Variants in TUBGCP4 observed in about 807,000 individuals in gnomAD.
TUBGCP4 encodes tubulin gamma complex component 4.
In TUBGCP4, 54 loss-of-function variants were observed where a neutral mutation model predicts 91.6. The ratio of observed to expected loss-of-function variants is 0.59; its 90% confidence interval spans 0.47 to 0.74. The LOEUF (loss-of-function observed/expected upper bound fraction) is 0.74, where lower values mean the gene tolerates loss of function less well. Among genes scored for constraint, TUBGCP4 ranks in the 30% least tolerant of loss-of-function variants. The pLI is 0.00. For synonymous variants in TUBGCP4, 297 were observed against 302.8 expected (o/e 0.98, Z 0.20); for missense variants, 593 against 800.9 (o/e 0.74, Z 3.13).
chr15:43,386,851 A>G (rs956396816), intron 9 of TUBGCP4, among the ~76,000 whole-genome samples: 9 of 152,160 alleles, frequency 5.9e-5, no homozygotes, highest in Non-Finnish European at 1.3e-4. Context: ...AGAAAGTAGA[A>G]AAGAAAAGCC....
Position 43,408,192 on chromosome 15 carries a change from GC to G in TUBGCP4, c.*2982del. The G allele has an allele frequency of 1.7e-6, 2 of 1,179,804 alleles. No individual in the cohort carries two copies. Among genetic ancestry groups the G allele is most frequent in the Non-Finnish European group, 2.4e-6 (2 of 840,400 alleles). The allele number at this position is 1,179,804 out of a possible 1,614,324, so 73.1% of individuals were successfully genotyped here. A position where few individuals can be genotyped will look rare whatever the true frequency, so the allele number is the denominator to read the frequency against. Reference sequence around the variant, plus strand: ...CATCTGAATGCTTTCAAAAATAAATGCCCCATCAGACATAGTGTCTCAAGCC... The same window carrying G: ...CATCTGAATGCTTTCAAAAATAAATGCCCATCAGACATAGTGTCTCAAGCC... On this transcript the variant is annotated 3_prime_UTR_variant, in exon 18 of 18. Transcript: ENST00000564079.
intron 17 of TUBGCP4, 72 bp from the exon 18 acceptor site, chr15:43,405,130 C>T: frequency 6.5e-7 from 1 of 1,541,122 alleles, no homozygotes; most frequent in Non-Finnish European, 9.0e-7. Flanking sequence ...ACAGGTTATC[C>T]TGATTCATAT....
Position 43,409,100 on chromosome 15 carries a change from CAAGAA to C in TUBGCP4, c.*3892_*3896del, listed in dbSNP as rs746714412. 1.2e-6 allele frequency: 2 copies of C among 1,614,018 alleles called. No homozygotes were observed. The highest frequency in any genetic ancestry group is 4.5e-5 in the East Asian group (2 of 44,878). On this transcript the variant is annotated 3_prime_UTR_variant, in exon 18 of 18. Coordinates refer to ENST00000564079, the MANE Select transcript of TUBGCP4 (RefSeq NM_014444.5). Reference sequence around the variant, plus strand: ...GACACTGGTAAGCTGTGTTACACTGCAAGAAAAGAAGCAGAGCCAATGGGTTTGGT... The same window carrying C: ...GACACTGGTAAGCTGTGTTACACTGCAAGAAGCAGAGCCAATGGGTTTGGT...
chr15:43,407,932 CT>C lies in TUBGCP4; in HGVS notation c.*2721del. On this transcript the variant is annotated 3_prime_UTR_variant, in exon 18 of 18. Coordinates refer to ENST00000564079, the MANE Select transcript of TUBGCP4 (RefSeq NM_014444.5). The stretch of plus-strand genomic sequence containing the variant: ...CTGGAACAAAGACACTACACACACT[CT>C]TTCAGGTACCTTTGTTATGGGCACT... 6.2e-7 allele frequency: 1 copy of C among 1,608,798 alleles called. No individual in the cohort carries two copies. The highest frequency in any genetic ancestry group is 8.5e-7 in the Non-Finnish European group (1 of 1,179,196).
intron 16 of TUBGCP4, chr15:43,404,069 C>G (rs906559930): frequency 4.0e-5 from 21 of 521,740 alleles, no homozygotes; most frequent in Non-Finnish European, 3.7e-5. Context: ...CTCACATCCT[C>G]CCCCCTCCTT....
At position 43,406,641 on chromosome 15, in the gene TUBGCP4, C is replaced by G. The variant is rs2142918224; in HGVS notation, c.*1427C>G. On this transcript the variant is annotated 3_prime_UTR_variant, in exon 18 of 18. Coordinates refer to ENST00000564079, the MANE Select transcript of TUBGCP4 (RefSeq NM_014444.5). Reference sequence around the variant, plus strand: ...ACCCCTGCTTTAGAGAATGAGAAGCCATGCAGGGATCAGTGATGCCAGAGG... The same window carrying G: ...ACCCCTGCTTTAGAGAATGAGAAGCGATGCAGGGATCAGTGATGCCAGAGG... 2.2e-6 allele frequency: 1 copy of G among 455,818 alleles called. No homozygotes were observed. Among genetic ancestry groups the G allele is most frequent in the African/African-American group, 2.0e-5 (1 of 50,160 alleles). 28.2% of individuals were successfully genotyped at this position (455,818 alleles called of 1,614,324 possible). A position where few individuals can be genotyped will look rare whatever the true frequency, so the allele number is the denominator to read the frequency against.
At chr15:43,372,423 A>G (rs898120807) in intron 1 of TUBGCP4, among the ~76,000 whole-genome samples, 1 of 152,232 alleles carries the variant, frequency 6.6e-6, no homozygotes, top group Non-Finnish European at 1.5e-5. Flanking sequence ...AATTTTTGAA[A>G]AAAACAGGTG....
Position 43,407,572 on chromosome 15 carries a change from T to C in TUBGCP4, c.*2358T>C. 6.2e-7 allele frequency: 1 copy of C among 1,609,392 alleles called. No individual in the cohort carries two copies. Among genetic ancestry groups the C allele is most frequent in the Non-Finnish European group, 8.5e-7 (1 of 1,176,866 alleles). On this transcript the variant is annotated 3_prime_UTR_variant, in exon 18 of 18. Transcript: ENST00000564079. ...CATCAAATACCCCTAAAGCAATATC[T>C]GCAAGGAGCAAGGGAAAGTGAAGAA... is the stretch of plus-strand genomic sequence containing the variant.
At chr15:43,376,045 G>C (rs2044198907) in intron 1 of TUBGCP4, 53 bp from the exon 2 acceptor site, 1 of 1,602,790 alleles carries the variant, frequency 6.2e-7, no homozygotes, top group African/African-American at 1.3e-5. Context: ...TGAAGCACCT[G>C]AAAGTTGGGG....
At chr15:43,392,324 A>G (rs1401507251) in intron 9 of TUBGCP4, among the ~76,000 whole-genome samples, 1 of 150,656 alleles carries the variant, frequency 6.6e-6, no homozygotes, top group South Asian at 2.1e-4. Context: ...TAGTGTTTTC[A>G]TTATATTCTA....
intron 1 of TUBGCP4, 78 bp from the exon 2 acceptor site, chr15:43,376,020 G>A: frequency 6.3e-7 from 1 of 1,579,616 alleles, no homozygotes; most frequent in Non-Finnish European, 8.7e-7. Flanking sequence ...CGATAAATGT[G>A]TAGTATGAAG....
At chr15:43,382,420 C>T (rs550690722) in intron 6 of TUBGCP4, among the ~76,000 whole-genome samples, 70 of 152,046 alleles carry the variant, frequency 4.6e-4, no homozygotes, top group Non-Finnish European at 9.6e-4. Context: ...ATTTTGTTCT[C>T]ATGTCTTTTT....
chr15:43,391,274 ACCATAAT>A (rs1354085228), intron 9 of TUBGCP4: 1 of 152,096 alleles, frequency 6.6e-6, no homozygotes, highest in East Asian at 1.9e-4. Flanking sequence ...ATCATAGCTC[ACCATAAT>A]CTTGAACTCT....
At position 43,408,981 on chromosome 15, in the gene TUBGCP4, C is replaced by A; in HGVS notation, c.*3767C>A. 1 of 1,614,166 alleles carries A rather than the reference C, an allele frequency of 6.2e-7. No individual in the cohort carries two copies. The highest frequency in any genetic ancestry group is 8.5e-7 in the Non-Finnish European group (1 of 1,180,032). On this transcript the variant is annotated 3_prime_UTR_variant, in exon 18 of 18. Transcript: ENST00000564079. ...GTTCTGGAGCTGGTTGGCATGGCAA[C>A]TATCATGGACCCAGACATGAGACAC...
intron 13 of TUBGCP4, among the ~76,000 whole-genome samples, chr15:43,399,546 A>G (rs1335840732): frequency 6.6e-6 from 1 of 152,150 alleles, no homozygotes; most frequent in Non-Finnish European, 1.5e-5. Flanking sequence ...GCATCTCACT[A>G]TGTTGCTCAG....
chr15:43,376,880 T>G, intron 3 of TUBGCP4, 134 bp from the exon 4 acceptor site: 1 of 911,702 alleles, frequency 1.1e-6, no homozygotes, highest in South Asian at 1.6e-5. Context: ...ATTAATAACC[T>G]GATTAAATTA....
At chr15:43,377,101 C>T (rs769107077) in intron 4 of TUBGCP4, 34 bp downstream of exon 4, 20 of 1,550,988 alleles carry the variant, frequency 1.3e-5, no homozygotes, top group Non-Finnish European at 1.7e-5. Flanking sequence ...GCCTTGCAAT[C>T]TGTTGATAGT....
At chr15:43,395,851 G>A (rs986050927) in intron 11 of TUBGCP4, among the ~76,000 whole-genome samples, 163 bp downstream of exon 11, 1 of 152,168 alleles carries the variant, frequency 6.6e-6, no homozygotes, top group African/African-American at 2.4e-5. Flanking sequence ...GCTTCATGCT[G>A]GGGTCATTGG....
chr15:43,380,231 T>A, intron 6 of TUBGCP4, 68 bp downstream of exon 6: 1 of 1,387,188 alleles, frequency 7.2e-7, no homozygotes, highest in East Asian at 2.3e-5. Flanking sequence ...TTCTCACATG[T>A]TTTATTTTCA....
Sources: gnomAD v4.1 joint callset for allele counts (sites outside exome capture counted in the v4.1 genomes callset) on GRCh38, gnomAD v4.1.1 for gene constraint, MANE v1.5 for transcripts, NCBI Gene and HGNC (gene_info 2026-07-23, HGNC 2026-07-21) for gene names.